Variants in GNAL observed in about 807,000 individuals in gnomAD.
GNAL encodes the protein guanine nucleotide-binding protein G(olf) subunit alpha.
Under a neutral mutation model 55.1 loss-of-function variants are expected in GNAL, and 18 were observed. The observed-to-expected ratio is 0.33, with a 90% CI of 0.23 to 0.48. The LOEUF (loss-of-function observed/expected upper bound fraction) is 0.48. Among genes scored for constraint, GNAL ranks in the 20% least tolerant of loss-of-function variants. The probability of loss-of-function intolerance (pLI) is 0.99; values close to 1 mark genes in which losing one functional copy is unlikely to be tolerated. For missense variants in GNAL, 412 were observed against 614.1 expected, an observed-to-expected ratio of 0.67 and a Z score of 3.48; for synonymous variants, 253 against 237.0, an observed-to-expected ratio of 1.07 and a Z score of -0.62.
At chr18:11,864,458 T>G in intron 6 of GNAL, 75 bp from the exon 7 acceptor site, 1 of 802,856 alleles carries the variant, frequency 1.2e-6, no homozygotes, top group Non-Finnish European at 2.3e-6. Flanking sequence ...ATTGATGAGG[T>G]ATAGTTATAC....
chr18:11,799,846 C>T (rs1389788072), intron 4 of GNAL, among the ~76,000 whole-genome samples: 1 of 152,102 alleles, frequency 6.6e-6, no homozygotes, highest in Admixed American at 6.5e-5. Flanking sequence ...TCCTTGTCCT[C>T]AGGCAAGTGT....
In GNAL at chr18:11,784,472, A is replaced by G. The variant is rs1348255577; in HGVS notation, c.624+30527A>G. ...CACCCCTGCACTTACCAAAGCTGCC[A>G]CAAGCCTAATGCTGTGCTTTTGAAG... On this transcript the variant is annotated intron_variant, in intron 4 of 11. Transcript: ENST00000334049. 5.3e-5 allele frequency among the ~76,000 whole-genome samples: 8 copies of G among 152,224 alleles called. 1 individual carries two copies. In the South Asian group the frequency reaches 6.2e-4, roughly 12 times the overall value.
chr18:11,821,292 A>G (rs921730855), intron 4 of GNAL, among the ~76,000 whole-genome samples: 6 of 152,216 alleles, frequency 3.9e-5, no homozygotes, highest in Admixed American at 3.9e-4. Flanking sequence ...AAAGAATAGA[A>G]GATGATTTAA....
At chr18:11,845,985 G>A (rs539139837) in intron 5 of GNAL, among the ~76,000 whole-genome samples, 7 of 152,174 alleles carry the variant, frequency 4.6e-5, no homozygotes, top group Non-Finnish European at 8.8e-5. Context: ...TAAGTTAAGC[G>A]GTTTTGAGTG....
intron 4 of GNAL, among the ~76,000 whole-genome samples, chr18:11,776,630 C>T (rs1731887380): frequency 6.6e-6 from 1 of 151,076 alleles, no homozygotes; most frequent in Non-Finnish European, 1.5e-5. Context: ...ATTGCTTGAG[C>T]CCAGGAGTTT....
chr18:11,830,901 C>T (rs750434901), intron 5 of GNAL, among the ~76,000 whole-genome samples: 1 of 152,116 alleles, frequency 6.6e-6, no homozygotes, highest in Non-Finnish European at 1.5e-5. Context: ...TATATGATTA[C>T]ATGTATATGA....
At chr18:11,802,279 G>A (rs2034541451) in intron 4 of GNAL, among the ~76,000 whole-genome samples, 1 of 152,148 alleles carries the variant, frequency 6.6e-6, no homozygotes, top group Non-Finnish European at 1.5e-5. Flanking sequence ...TGTTTACGGA[G>A]TTCCTCAAGT....
intron 5 of GNAL, among the ~76,000 whole-genome samples, chr18:11,861,993 A>ACAACC (rs1463528941): frequency 2.6e-5 from 2 of 77,464 alleles, no homozygotes; most frequent in African/African-American, 3.4e-5. Context: ...CACACACAAC[A>ACAACC]TCTGGATTTG....
chr18:11,748,332 T>TAG (rs879462506), intron 1 of GNAL, among the ~76,000 whole-genome samples: 3 of 152,196 alleles, frequency 2.0e-5, no homozygotes, highest in Non-Finnish European at 2.9e-5. Flanking sequence ...GATACTCTTC[T>TAG]TACTCAGCCT....
chr18:11,803,288 T>A (rs55882105), intron 4 of GNAL, among the ~76,000 whole-genome samples: 3,215 of 152,320 alleles, frequency 0.021, 112 homozygotes, highest in African/African-American at 0.073. Context: ...GTCTCTATGA[T>A]TTTGACTTAT....
At chr18:11,718,939 A>T (rs1187330277) in intron 1 of GNAL, among the ~76,000 whole-genome samples, 1 of 152,210 alleles carries the variant, frequency 6.6e-6, no homozygotes, top group African/African-American at 2.4e-5. Context: ...CCCTGACTTT[A>T]TAAAGCAAAT....
chr18:11,730,611 A>G (rs1166127424), intron 1 of GNAL, among the ~76,000 whole-genome samples: 1 of 151,944 alleles, frequency 6.6e-6, no homozygotes, highest in Non-Finnish European at 1.5e-5. Flanking sequence ...TAAAAATACA[A>G]AAATTAGCCA....
At chr18:11,775,676 C>T (rs9676147) in intron 4 of GNAL, among the ~76,000 whole-genome samples, 14,697 of 152,194 alleles carry the variant, frequency 0.097, 776 homozygotes, top group Middle Eastern at 0.15. Context: ...AAAGCAAGTC[C>T]CTCAAGAGGC....
chr18:11,770,858 T>C (rs1292339140), intron 4 of GNAL, among the ~76,000 whole-genome samples: 1 of 152,114 alleles, frequency 6.6e-6, no homozygotes, highest in African/African-American at 2.4e-5. Flanking sequence ...ATATGTTTAC[T>C]TTTTTTCTTA....
chr18:11,826,093 G>A lies in GNAL; in HGVS notation c.722+1078G>A, dbSNP rs9959401. Among the ~76,000 whole-genome samples, 696 of 152,274 alleles carry A rather than the reference G, an allele frequency of 4.6e-3. 5 individuals are homozygous for A. Among genetic ancestry groups the A allele is most frequent in the African/African-American group, 0.016 (662 of 41,546 alleles). On this transcript the variant is annotated intron_variant, in intron 5 of 11. Transcript: ENST00000334049. ...CAATCAGTGGAGCTGCATTGTGAAT[G>A]TTGATTTCCAGGAGGGAGTGGTTGT...
rs538288172 is a variant in GNAL at position 11,813,405 on chromosome 18, T to G, written c.625-11513T>G. ...CAATCAAAATACCAACAGGCTTTTT[T>G]ATAAAAATTGACAAGCTAATGCTAA... On this transcript the variant is annotated intron_variant, in intron 4 of 11. Coordinates refer to ENST00000334049, the MANE Select transcript of GNAL (RefSeq NM_182978.4). Among the ~76,000 whole-genome samples the G allele has an allele frequency of 3.3e-5, 5 of 152,296 alleles. No individual in the cohort carries two copies. In the South Asian group the frequency reaches 1.0e-3, roughly 32 times the overall value.
chr18:11,871,602 A>T (rs2036400424), intron 9 of GNAL, among the ~76,000 whole-genome samples: 2 of 152,186 alleles, frequency 1.3e-5, no homozygotes, highest in South Asian at 4.1e-4. Flanking sequence ...AGTTAGCTTG[A>T]TTCCTTTGAA....
intron 1 of GNAL, among the ~76,000 whole-genome samples, chr18:11,709,582 T>A (rs1319141193): frequency 6.6e-6 from 1 of 152,154 alleles, no homozygotes; most frequent in Non-Finnish European, 1.5e-5. Context: ...ATGAGATTGT[T>A]TTTTAATTTC....
chr18:11,862,738 C>T (rs1567898969), intron 6 of GNAL, among the ~76,000 whole-genome samples: 2 of 152,052 alleles, frequency 1.3e-5, no homozygotes, highest in African/African-American at 2.4e-5. Flanking sequence ...CTCAGGAAAG[C>T]GAAGTCTTTA....
Sources: gnomAD v4.1 joint callset for allele counts (sites outside exome capture counted in the v4.1 genomes callset) on GRCh38, gnomAD v4.1.1 for gene constraint, MANE v1.5 for transcripts, NCBI Gene and HGNC (gene_info 2026-07-23, HGNC 2026-07-21) for gene names.